The following HSPA4 variants were observed in gnomAD, a reference collection of about 807,000 sequenced individuals.
HSPA4 encodes the protein heat shock 70 kDa protein 4.
Under a neutral mutation model 106.2 loss-of-function variants are expected in HSPA4, and 25 were observed. That is an observed-to-expected ratio of 0.24 (90% CI 0.17 to 0.33). The LOEUF (loss-of-function observed/expected upper bound fraction) is 0.33, where lower values mean the gene tolerates loss of function less well. Ranked by LOEUF, HSPA4 falls within the 10% of genes least tolerant of loss-of-function variation. The pLI is 1.00. For missense variants in HSPA4, 841 were observed against 996.0 expected (o/e 0.84, Z 2.10); for synonymous variants, 332 against 333.6 (o/e 1.00, Z 0.05).
chr5:133,087,815 G>C (rs1012287865), intron 8 of HSPA4, among the ~76,000 whole-genome samples: 1 of 152,020 alleles, frequency 6.6e-6, no homozygotes, highest in Admixed American at 6.6e-5. Flanking sequence ...GTGGAGACGG[G>C]GTTTTACCAT....
chr5:133,085,321 T>C (rs773583787), intron 7 of HSPA4, among the ~76,000 whole-genome samples: 1 of 151,636 alleles, frequency 6.6e-6, no homozygotes, highest in African/African-American at 2.4e-5. Flanking sequence ...ATCTGCATAC[T>C]GTAGGATTCC....
Position 133,104,607 on chromosome 5 carries a change from T to TAA in HSPA4, c.*172_*173insAA. On this transcript the variant is annotated 3_prime_UTR_variant, in exon 19 of 19. Coordinates refer to ENST00000304858, the MANE Select transcript of HSPA4 (RefSeq NM_002154.4). Reference sequence around the variant, plus strand: ...TGGAGCATTTTCACTTCTAAATAGTTAGATACAGAAATTAAGTGCATTGTA... The same window carrying TAA: ...TGGAGCATTTTCACTTCTAAATAGTTAAAGATACAGAAATTAAGTGCATTGTA... 1 of 604,166 alleles carries TAA rather than the reference T, an allele frequency of 1.7e-6. No homozygotes were observed. The highest frequency in any genetic ancestry group is 2.9e-6 in the Non-Finnish European group (1 of 342,726). 37.4% of individuals were successfully genotyped at this position (604,166 alleles called of 1,614,324 possible). A position where few individuals can be genotyped will look rare whatever the true frequency, so the allele number is the denominator to read the frequency against.
At position 133,100,799 on chromosome 5, in the gene HSPA4, T is replaced by G. The variant is rs529245083; in HGVS notation, c.2038-960T>G. On this transcript the variant is annotated intron_variant, in intron 16 of 18. Coordinates refer to ENST00000304858, the MANE Select transcript of HSPA4 (RefSeq NM_002154.4). The stretch of plus-strand genomic sequence containing the variant: ...TTTCTCTTTAAATTTAGCTCTGGAT[T>G]ACTTGGTTTCTTGTGGAACTGGGCC... Among the ~76,000 whole-genome samples, 7 of 152,316 alleles carry G rather than the reference T, an allele frequency of 4.6e-5. No homozygotes were observed. The East Asian group carries it at 1.4e-3, about 29-fold the overall frequency.
At chr5:133,066,875 T>C (rs1305572372) in intron 2 of HSPA4, among the ~76,000 whole-genome samples, 1 of 151,854 alleles carries the variant, frequency 6.6e-6, no homozygotes, top group Non-Finnish European at 1.5e-5. Context: ...CCACCATGCC[T>C]GGCTAATTTT....
In HSPA4 at chr5:133,104,442, A is replaced by G; in HGVS notation, c.*6A>G. ...CTGAAATGGACATTGATTGATTCCAACACTTGTTTCTATTAAAACAGACTA... is the reference window on the plus strand; with the variant it reads ...CTGAAATGGACATTGATTGATTCCAGCACTTGTTTCTATTAAAACAGACTA... On this transcript the variant is annotated 3_prime_UTR_variant, in exon 19 of 19. Transcript: ENST00000304858. 1.9e-6 allele frequency: 3 copies of G among 1,611,758 alleles called. No individual in the cohort carries two copies. Among genetic ancestry groups the G allele is most frequent in the African/African-American group, 1.3e-5 (1 of 75,004 alleles).
chr5:133,098,830 G>C (rs1765747865), intron 15 of HSPA4, among the ~76,000 whole-genome samples: 1 of 151,452 alleles, frequency 6.6e-6, no homozygotes, highest in African/African-American at 2.4e-5. Context: ...GCTCCACCAT[G>C]CCTGGCTAAT....
chr5:133,081,795 A>T (rs550235059), intron 7 of HSPA4, among the ~76,000 whole-genome samples: 1 of 152,106 alleles, frequency 6.6e-6, no homozygotes, highest in African/African-American at 2.4e-5. Context: ...AGCCCAGGAG[A>T]TGGAGGCTTC....
intron 4 of HSPA4, among the ~76,000 whole-genome samples, chr5:133,071,150 T>A (rs1220690541): frequency 1.3e-5 from 2 of 152,042 alleles, no homozygotes; most frequent in East Asian, 3.9e-4. Flanking sequence ...GTATTTGTAT[T>A]TGCTGTTGGT....
At chr5:133,083,806 G>A (rs1035511166) in intron 7 of HSPA4, among the ~76,000 whole-genome samples, 1 of 152,074 alleles carries the variant, frequency 6.6e-6, no homozygotes, top group African/African-American at 2.4e-5. Flanking sequence ...CAAAGTGCTG[G>A]GATTACAGGT....
chr5:133,072,392 GTTTTTTTTTTTT>G (rs748459297), intron 4 of HSPA4, among the ~76,000 whole-genome samples: 15 of 75,726 alleles, frequency 2.0e-4, no homozygotes, highest in Non-Finnish European at 3.3e-4. Flanking sequence ...GTCCAGGGTT[GTTTTTTTTTTTT>G]TTTTTTTTTT....
chr5:133,100,457 C>T (rs1008138652), intron 16 of HSPA4, among the ~76,000 whole-genome samples: 14 of 151,690 alleles, frequency 9.2e-5, no homozygotes, highest in Non-Finnish European at 1.5e-4. Flanking sequence ...AGTGCAGTGG[C>T]GTGACCTTGG....
At chr5:133,079,214 G>A (rs182086492) in intron 7 of HSPA4, among the ~76,000 whole-genome samples, 162 of 152,202 alleles carry the variant, frequency 1.1e-3, no homozygotes, top group Non-Finnish European at 1.9e-3. Context: ...TCACAGGGTT[G>A]TGCAATGGCC....
chr5:133,059,739 G>A (rs1389943310), intron 1 of HSPA4, among the ~76,000 whole-genome samples: 1 of 152,118 alleles, frequency 6.6e-6, no homozygotes, highest in African/African-American at 2.4e-5. Flanking sequence ...AGCTCTTCCT[G>A]TATACTAATC....
rs769071727 is a variant in HSPA4, at chr5:133,073,348, T to G, written c.529+19T>G. 1 of 1,484,050 alleles carries G rather than the reference T, an allele frequency of 6.7e-7. No homozygotes were observed. The highest frequency in any genetic ancestry group is 9.3e-7 in the Non-Finnish European group (1 of 1,073,140). 91.9% of individuals were successfully genotyped at this position (1,484,050 alleles called of 1,614,324 possible). A position where few individuals can be genotyped will look rare whatever the true frequency, so the allele number is the denominator to read the frequency against. ...ACTGCAGGTAAGGAGGACCGTTGATTATTTTTTTGACTTGGTTAATCTTGA... is the reference window on the plus strand; with the variant it reads ...ACTGCAGGTAAGGAGGACCGTTGATGATTTTTTTGACTTGGTTAATCTTGA... On this transcript the variant is annotated intron_variant, in intron 5 of 18. Transcript: ENST00000304858.
intron 7 of HSPA4, among the ~76,000 whole-genome samples, chr5:133,085,265 G>T (rs1765563607): frequency 6.6e-6 from 1 of 151,800 alleles, no homozygotes; most frequent in African/African-American, 2.4e-5. Context: ...AAGACATTGA[G>T]GAACCTTAAA....
At chr5:133,086,446 A>G (rs1431401155) in intron 7 of HSPA4, among the ~76,000 whole-genome samples, 2 of 152,218 alleles carry the variant, frequency 1.3e-5, no homozygotes. Context: ...CGCTTTATAC[A>G]GTTGATAGGC....
intron 2 of HSPA4, among the ~76,000 whole-genome samples, chr5:133,066,881 A>AT (rs1765313723): frequency 6.6e-6 from 1 of 151,472 alleles, no homozygotes; most frequent in South Asian, 2.1e-4. Context: ...TGCCTGGCTA[A>AT]TTTTTTGTAT....
intron 7 of HSPA4, among the ~76,000 whole-genome samples, chr5:133,077,894 G>A (rs894467154): frequency 6.6e-6 from 1 of 152,206 alleles, no homozygotes; most frequent in African/African-American, 2.4e-5. Context: ...TTGTGTGTGT[G>A]TATGTGTGTT....
rs2126716873 is a variant in HSPA4, at chr5:133,099,661, C to T, written c.2037+9C>T. ...AGTTGGCTGAATTAAAAGTAAGTGA[C>T]TCTTGAGAGCAGAGGTATCCAGAAC... On this transcript the variant is annotated intron_variant, in intron 16 of 18. Transcript: ENST00000304858. 2 of 1,468,672 alleles carry T rather than the reference C, an allele frequency of 1.4e-6. No individual in the cohort carries two copies. Among genetic ancestry groups the T allele is most frequent in the East Asian group, 2.3e-5 (1 of 43,998 alleles). The allele number at this position is 1,468,672 out of a possible 1,614,324, so 91.0% of individuals were successfully genotyped here.
Sources: allele counts gnomAD v4.1 joint callset (sites outside exome capture counted in the v4.1 genomes callset), GRCh38; gene constraint gnomAD v4.1.1; transcripts MANE v1.5; gene names NCBI Gene and HGNC (gene_info 2026-07-23, HGNC 2026-07-21).